DOCK10: variants seen among roughly 807,000 people sequenced by gnomAD.
The protein encoded by DOCK10 is dedicator of cytokinesis 10.
In DOCK10, 145 loss-of-function variants were observed where a neutral mutation model predicts 280.1. That is an observed-to-expected ratio of 0.52 (90% CI 0.45 to 0.59). The LOEUF is 0.59. DOCK10 is among the 20% of genes least tolerant of loss of function. The pLI is 0.00. For synonymous variants in DOCK10, 915 were observed against 942.2 expected, an observed-to-expected ratio of 0.97 and a Z score of 0.53; for missense variants, 2,368 against 2,651.7, an observed-to-expected ratio of 0.89 and a Z score of 2.35.
intron 1 of DOCK10, among the ~76,000 whole-genome samples, chr2:224,988,223 C>T (rs1311867167): frequency 2.0e-5 from 3 of 152,142 alleles, no homozygotes; most frequent in Non-Finnish European, 4.4e-5. Flanking sequence ...TATCACGGTA[C>T]CCTGTAGGTT....
chr2:225,008,496 C>G (rs1341629515), intron 1 of DOCK10, among the ~76,000 whole-genome samples: 1 of 152,176 alleles, frequency 6.6e-6, no homozygotes, highest in East Asian at 1.9e-4. Context: ...CTGGCATTTT[C>G]TTTTCCTCAG....
Position 224,765,897 on chromosome 2 carries a change from C to T in DOCK10, c.6445-60G>A. On this transcript the variant is annotated intron_variant, in intron 55 of 55. Coordinates refer to ENST00000258390, the MANE Select transcript of DOCK10 (RefSeq NM_014689.3). Reference sequence around the variant, plus strand: ...CAGAGGTTAATGTTAATATCCCAAACACAAAATTAAAACCCAGAATAGAGG... The same window carrying T: ...CAGAGGTTAATGTTAATATCCCAAATACAAAATTAAAACCCAGAATAGAGG... The T allele has an allele frequency of 2.3e-6, 3 of 1,314,770 alleles. No individual in the cohort carries two copies. In the South Asian group the frequency reaches 4.0e-5, roughly 17 times the overall value. The allele number at this position is 1,314,770 out of a possible 1,614,324, so 81.4% of individuals were successfully genotyped here. A position where few individuals can be genotyped will look rare whatever the true frequency, so the allele number is the denominator to read the frequency against.
At chr2:224,892,748 A>G (rs957456396) in intron 4 of DOCK10, among the ~76,000 whole-genome samples, 11 of 152,228 alleles carry the variant, frequency 7.2e-5, no homozygotes, top group African/African-American at 2.2e-4. Context: ...GCCCTTGGGC[A>G]GGGAAGGCAG....
intron 1 of DOCK10, among the ~76,000 whole-genome samples, chr2:224,985,193 A>AGTAG (rs1383751138): frequency 2.6e-5 from 4 of 152,132 alleles, no homozygotes; most frequent in Middle Eastern, 3.2e-3. Flanking sequence ...TTCTTCCCCT[A>AGTAG]GTAGGGTCTT....
In DOCK10 at chr2:224,770,565, C is replaced by CT; in HGVS notation, c.6284dup (p.Leu2096AlafsTer18). The CT allele has an allele frequency of 1.9e-6, 3 of 1,613,898 alleles. No homozygotes were observed. Among genetic ancestry groups the CT allele is most frequent in the Non-Finnish European group, 2.5e-6 (3 of 1,179,790 alleles). ...CTTACCTGAAGATCTCCTTCAAAAG[C>CT]TTTACTTGGTTGTCAGGGTACTTCT... On this transcript the variant is annotated frameshift_variant, in exon 54 of 56. Coordinates refer to ENST00000258390, the MANE Select transcript of DOCK10 (RefSeq NM_014689.3). LOFTEE classifies it high-confidence loss of function. The surrounding 1 kb of genome is among the most constrained non-coding windows in gnomAD (Gnocchi z 4.5).
At chr2:224,837,139 C>T (rs1346072880) in intron 25 of DOCK10, among the ~76,000 whole-genome samples, 3 of 152,126 alleles carry the variant, frequency 2.0e-5, no homozygotes, top group Non-Finnish European at 4.4e-5. Flanking sequence ...TAGGTGGGAA[C>T]TATGAAAGTG....
chr2:224,838,024 G>A (rs1056637501), intron 24 of DOCK10, among the ~76,000 whole-genome samples, 193 bp from the exon 25 acceptor site: 1 of 152,130 alleles, frequency 6.6e-6, no homozygotes, highest in Admixed American at 6.5e-5. Flanking sequence ...TAGCATCAAT[G>A]AGCCATTTCC....
chr2:224,960,162 A>G (rs1575116984), intron 1 of DOCK10, among the ~76,000 whole-genome samples: 2 of 152,286 alleles, frequency 1.3e-5, no homozygotes, highest in South Asian at 4.1e-4. Context: ...TGAATGCTGC[A>G]CATTTATTAT....
At chr2:224,975,752 T>C (rs2126229003) in intron 1 of DOCK10, among the ~76,000 whole-genome samples, 1 of 152,344 alleles carries the variant, frequency 6.6e-6, no homozygotes, top group South Asian at 2.1e-4. Flanking sequence ...AAATAATTCA[T>C]TTCCTTCATT....
At chr2:224,784,720 A>G in intron 50 of DOCK10, 3 of 1,289,792 alleles carry the variant, frequency 2.3e-6, no homozygotes, top group Non-Finnish European at 3.0e-6. Flanking sequence ...GGAGAGCGAG[A>G]GTGAGTGAGA....
chr2:224,804,091 A>T, intron 39 of DOCK10, 21 bp downstream of exon 39: 1 of 1,526,318 alleles, frequency 6.6e-7, no homozygotes, highest in South Asian at 1.1e-5. Flanking sequence ...AATTTTAAAT[A>T]CCAAGCAAAT....
rs762943592 is a variant in DOCK10 at position 224,865,136 on chromosome 2, A to G, written c.1258-49T>C. 2.6e-6 allele frequency: 4 copies of G among 1,558,852 alleles called. 1 individual carries two copies. In the South Asian group the frequency reaches 3.4e-5, roughly 13 times the overall value. The stretch of plus-strand genomic sequence containing the variant: ...TGTTTTTGATATAAAATCATTATCC[A>G]TGAGACAGCCTCGTTAGTACATCAT... On this transcript the variant is annotated intron_variant, in intron 11 of 55. Coordinates refer to ENST00000258390, the MANE Select transcript of DOCK10 (RefSeq NM_014689.3).
At chr2:224,951,167 G>C (rs1405357089) in intron 1 of DOCK10, among the ~76,000 whole-genome samples, 3 of 152,170 alleles carry the variant, frequency 2.0e-5, no homozygotes, top group African/African-American at 7.2e-5. Context: ...TTATATGTAA[G>C]AATAGAGCAA....
intron 1 of DOCK10, among the ~76,000 whole-genome samples, chr2:224,974,442 A>G (rs1017266166): frequency 1.3e-5 from 2 of 152,000 alleles, no homozygotes; most frequent in Non-Finnish European, 2.9e-5. Flanking sequence ...GAAGGCTGAC[A>G]AAAATACTGT....
chr2:224,891,139 C>A (rs1194646937), intron 4 of DOCK10, among the ~76,000 whole-genome samples: 1 of 152,058 alleles, frequency 6.6e-6, no homozygotes, highest in Non-Finnish European at 1.5e-5. Flanking sequence ...AAAACAAATA[C>A]AGCAAAACAT....
chr2:224,842,780 C>T (rs1696051513), intron 22 of DOCK10, among the ~76,000 whole-genome samples: 1 of 152,170 alleles, frequency 6.6e-6, no homozygotes, highest in Non-Finnish European at 1.5e-5. Context: ...AAGGCCCAAC[C>T]CCTTCCTCTG....
chr2:224,866,605 A>C lies in DOCK10; in HGVS notation c.1258-1518T>G, dbSNP rs145014706. 5.3e-4 allele frequency among the ~76,000 whole-genome samples: 81 copies of C among 152,302 alleles called. 1 individual carries two copies. The highest frequency in any genetic ancestry group is 1.9e-3 in the African/African-American group (80 of 41,566). On this transcript the variant is annotated intron_variant, in intron 11 of 55. Coordinates refer to ENST00000258390, the MANE Select transcript of DOCK10 (RefSeq NM_014689.3). ...ACTTCCATTGCAGTCAACTACCACC[A>C]TGATGGCGACCAATGGTGATTTTTC...
chr2:224,870,815 ATTTTTTTTTT>A (rs71410336), intron 11 of DOCK10, among the ~76,000 whole-genome samples: 42 of 52,610 alleles, frequency 8.0e-4, no homozygotes, highest in African/African-American at 4.2e-3. Flanking sequence ...TGGCCACTCC[ATTTTTTTTTT>A]TTTTTTTTTT....
intron 53 of DOCK10, among the ~76,000 whole-genome samples, chr2:224,772,952 A>G (rs1435006300): frequency 6.6e-6 from 1 of 152,198 alleles, no homozygotes; most frequent in Non-Finnish European, 1.5e-5. Context: ...ATTTCAGCTA[A>G]ACTTAAGAAA....
Sources: gnomAD v4.1 joint callset for allele counts (sites outside exome capture counted in the v4.1 genomes callset) on GRCh38, gnomAD v4.1.1 for gene constraint, Gnocchi (gnomAD v3.1) non-coding constraint, MANE v1.5 for transcripts, NCBI Gene and HGNC (gene_info 2026-07-23, HGNC 2026-07-21) for gene names.